Variants in UBE2E2 observed in about 807,000 individuals in gnomAD.
UBE2E2 encodes the protein ubiquitin-conjugating enzyme E2 E2.
A neutral mutation model predicts 24.7 loss-of-function variants in UBE2E2; 6 were observed. The ratio of observed to expected loss-of-function variants is 0.24; its 90% confidence interval spans 0.13 to 0.48. The LOEUF (loss-of-function observed/expected upper bound fraction) is 0.48. Ranked by LOEUF, UBE2E2 falls within the 20% of genes least tolerant of loss-of-function variation. The pLI is 0.99. For synonymous variants in UBE2E2, 104 were observed against 83.6 expected, an observed-to-expected ratio of 1.24 and a Z score of -1.33; for missense variants, 169 against 245.0, an observed-to-expected ratio of 0.69 and a Z score of 2.07.
chr3:23,295,757 C>T (rs1202325875), intron 3 of UBE2E2, among the ~76,000 whole-genome samples: 1 of 152,058 alleles, frequency 6.6e-6, no homozygotes, highest in Non-Finnish European at 1.5e-5. Context: ...TAATATGCAC[C>T]ACTTGCACTT....
intron 3 of UBE2E2, among the ~76,000 whole-genome samples, chr3:23,276,953 T>TAAAAAC (rs1698386355): frequency 6.6e-6 from 1 of 150,574 alleles, no homozygotes; most frequent in East Asian, 1.9e-4. Context: ...TCTCATTCTT[T>TAAAAAC]AAAAACAAAA....
At chr3:23,377,736 A>G (rs1696556242) in intron 3 of UBE2E2, among the ~76,000 whole-genome samples, 1 of 152,250 alleles carries the variant, frequency 6.6e-6, no homozygotes, top group Non-Finnish European at 1.5e-5. Context: ...GCCTCAGTTT[A>G]TCCCCCTTAG....
chr3:23,487,989 TAA>T (rs200515403), intron 3 of UBE2E2, among the ~76,000 whole-genome samples: 9 of 144,608 alleles, frequency 6.2e-5, no homozygotes, highest in African/African-American at 1.0e-4. Flanking sequence ...AAGGAATATT[TAA>T]AAAAAAAAAA....
chr3:23,398,816 C>T (rs766804159), intron 3 of UBE2E2, among the ~76,000 whole-genome samples: 2 of 152,008 alleles, frequency 1.3e-5, no homozygotes, highest in Non-Finnish European at 2.9e-5. Context: ...GGGTTTAAAC[C>T]TTGAAATCAA....
chr3:23,315,576 T>C (rs1256581038), intron 3 of UBE2E2, among the ~76,000 whole-genome samples: 2 of 152,214 alleles, frequency 1.3e-5, no homozygotes, highest in Non-Finnish European at 2.9e-5. Flanking sequence ...TATGAATCGT[T>C]GCATAACTCT....
chr3:23,515,248 A>G (rs909971343), intron 4 of UBE2E2, among the ~76,000 whole-genome samples: 2 of 152,130 alleles, frequency 1.3e-5, no homozygotes, highest in Non-Finnish European at 2.9e-5. Context: ...TCTGTTTACT[A>G]TAGGTTTGAA....
chr3:23,269,932 T>C (rs932363455), intron 3 of UBE2E2, among the ~76,000 whole-genome samples: 1 of 152,166 alleles, frequency 6.6e-6, no homozygotes, highest in Admixed American at 6.5e-5. Context: ...AATCAAGAAA[T>C]AGGGATCAAA....
At chr3:23,285,522 T>C (rs1271542749) in intron 3 of UBE2E2, among the ~76,000 whole-genome samples, 1 of 152,178 alleles carries the variant, frequency 6.6e-6, no homozygotes, top group East Asian at 1.9e-4. Context: ...TTTCTCAGCA[T>C]CCTCCTCAGC....
chr3:23,521,999 A>C (rs554661159), intron 4 of UBE2E2, among the ~76,000 whole-genome samples: 1 of 151,426 alleles, frequency 6.6e-6, no homozygotes, highest in East Asian at 1.9e-4. Flanking sequence ...TTTAGATACC[A>C]GGTTATCTTT....
rs1696758066 is a variant in UBE2E2 at position 23,591,366 on chromosome 3, T to A, written c.*1535T>A. 6.6e-6 allele frequency: 1 copy of A among 152,228 alleles called. No homozygotes were observed. Among genetic ancestry groups the A allele is most frequent in the Non-Finnish European group, 1.5e-5 (1 of 68,034 alleles). 9.4% of individuals were successfully genotyped at this position (152,228 alleles called of 1,614,324 possible). A position where few individuals can be genotyped will look rare whatever the true frequency, so the allele number is the denominator to read the frequency against. On this transcript the variant is annotated 3_prime_UTR_variant, in exon 6 of 6. Transcript: ENST00000396703. ...TATTTTAACATTTAAAATGCCTGAT[T>A]CAAAAGATACAGTTTTTGTTGTTTT...
chr3:23,358,498 A>T (rs1187449363), intron 3 of UBE2E2, among the ~76,000 whole-genome samples: 1 of 152,228 alleles, frequency 6.6e-6, no homozygotes, highest in Non-Finnish European at 1.5e-5. Context: ...TTAGTTTCTA[A>T]CAGCTGCATC....
intron 3 of UBE2E2, among the ~76,000 whole-genome samples, chr3:23,272,309 GCCAAGCCCA>G (rs142412339): frequency 0.094 from 14,273 of 152,098 alleles, 1,192 homozygotes; most frequent in Admixed American, 0.25. Flanking sequence ...TGTGGGGCCT[GCCAAGCCCA>G]CGCCCACCCA....
intron 3 of UBE2E2, among the ~76,000 whole-genome samples, chr3:23,288,892 G>A (rs1172083541): frequency 1.3e-5 from 2 of 152,148 alleles, no homozygotes; most frequent in Admixed American, 6.5e-5. Context: ...CCTCCCCCAA[G>A]AATACATATT....
At chr3:23,266,762 C>T (rs147499493) in intron 3 of UBE2E2, among the ~76,000 whole-genome samples, 2 of 152,296 alleles carry the variant, frequency 1.3e-5, no homozygotes, top group East Asian at 3.9e-4. Flanking sequence ...TTCTTTTCAG[C>T]AGCACACCAC....
intron 3 of UBE2E2, among the ~76,000 whole-genome samples, chr3:23,324,876 T>C (rs1434424683): frequency 1.3e-5 from 2 of 152,098 alleles, no homozygotes; most frequent in Non-Finnish European, 2.9e-5. Flanking sequence ...ATATAATGAA[T>C]AGTGGAATTG....
intron 3 of UBE2E2, among the ~76,000 whole-genome samples, chr3:23,284,647 TC>T (rs1477348552): frequency 2.0e-5 from 3 of 152,116 alleles, no homozygotes; most frequent in African/African-American, 7.2e-5. Flanking sequence ...GGAGTATTTG[TC>T]TTTTAAAGAA....
In UBE2E2 at chr3:23,364,908, A is replaced by G. The variant is rs1696215421; in HGVS notation, c.228-134700A>G. On this transcript the variant is annotated intron_variant, in intron 3 of 5. Transcript: ENST00000396703. ...GCAAGCCAAATTCAGCAGCACATCA[A>G]AAAGTTAATCCACTGTGATCAAGTA... Among the ~76,000 whole-genome samples the G allele has an allele frequency of 2.0e-5, 3 of 152,322 alleles. No homozygotes were observed. The South Asian group carries it at 6.2e-4, about 32-fold the overall frequency.
intron 3 of UBE2E2, among the ~76,000 whole-genome samples, chr3:23,248,856 G>C (rs572431932): frequency 2.0e-5 from 3 of 152,338 alleles, no homozygotes; most frequent in Middle Eastern, 6.8e-3. Context: ...TGAGTGATCT[G>C]TTGCAGTGCT....
chr3:23,548,254 G>A (rs1477333957), intron 5 of UBE2E2, among the ~76,000 whole-genome samples: 1 of 152,082 alleles, frequency 6.6e-6, no homozygotes, highest in African/African-American at 2.4e-5. Flanking sequence ...ATATAAAGCT[G>A]TTTCATTATT....
Sources: allele counts gnomAD v4.1 joint callset (sites outside exome capture counted in the v4.1 genomes callset), GRCh38; gene constraint gnomAD v4.1.1; transcripts MANE v1.5; gene names NCBI Gene and HGNC (gene_info 2026-07-23, HGNC 2026-07-21).